The following AGMO variants were observed in gnomAD, a reference collection of about 807,000 sequenced individuals.
The protein encoded by AGMO is glyceryl-ether monooxygenase.
Under a neutral mutation model 60.2 loss-of-function variants are expected in AGMO, and 75 were observed. The observed-to-expected ratio is 1.25, with a 90% CI of 1.03 to 1.51. The LOEUF (loss-of-function observed/expected upper bound fraction) is 1.51, where lower values mean the gene tolerates loss of function less well. Among genes scored for constraint, AGMO ranks in the 40% most tolerant of loss-of-function variants. The pLI, the probability that AGMO is intolerant of heterozygous loss-of-function variation, is 0.00. For missense variants in AGMO, 763 were observed against 525.5 expected, an observed-to-expected ratio of 1.45 and a Z score of -4.42; for synonymous variants, 261 against 177.1, an observed-to-expected ratio of 1.47 and a Z score of -3.76.
intron 12 of AGMO, chr7:15,306,571 T>TAAAA (rs5882493): frequency 3.5e-5 from 13 of 373,564 alleles, no homozygotes; most frequent in African/African-American, 2.3e-4. Flanking sequence ...TATGACTGTG[T>TAAAA]AAAAAAAAAA....
chr7:15,181,601 G>A, the AGMO span, among the ~76,000 whole-genome samples: 2 of 152,044 alleles, frequency 1.3e-5, no homozygotes, highest in Non-Finnish European at 2.9e-5. Context: ...AAGGAGATAA[G>A]CTTGTAGGTT....
intron 12 of AGMO, among the ~76,000 whole-genome samples, chr7:15,353,401 C>G (rs1782333377): frequency 6.6e-6 from 1 of 152,046 alleles, no homozygotes; most frequent in Admixed American, 6.5e-5. Flanking sequence ...CATGTTATAA[C>G]TCACTCAAAA....
chr7:15,276,891 CT>C (rs34137663), intron 12 of AGMO, among the ~76,000 whole-genome samples: 85,999 of 139,282 alleles, frequency 0.62, 26,000 homozygotes, highest in Admixed American at 0.72. Flanking sequence ...GCCATTTTTC[CT>C]TTTTTTTTTT....
At chr7:15,292,881 C>T (rs569532266) in intron 12 of AGMO, among the ~76,000 whole-genome samples, 1 of 150,130 alleles carries the variant, frequency 6.7e-6, no homozygotes, top group Non-Finnish European at 1.5e-5. Flanking sequence ...CCTCAACCTA[C>T]CGAGTAGCTG....
intron 12 of AGMO, among the ~76,000 whole-genome samples, chr7:15,308,008 T>TGGAATTTAGAATTTAGAATTAGAAATTA (rs1408469700): frequency 6.6e-6 from 1 of 152,044 alleles, no homozygotes; most frequent in African/African-American, 2.4e-5. Flanking sequence ...TCTAAATACC[T>TGGAATTTAGAATTTAGAATTAGAAATTA]GGAATTTCCC....
At chr7:15,520,583 T>A (rs1326372307) in intron 3 of AGMO, among the ~76,000 whole-genome samples, 1 of 152,190 alleles carries the variant, frequency 6.6e-6, no homozygotes, top group Non-Finnish European at 1.5e-5. Context: ...CCGAACAAGC[T>A]GCTCCTGCAT....
In AGMO at chr7:15,353,443, A is replaced by G. The variant is rs964085703; in HGVS notation, c.1263+12071T>C. Reference sequence around the variant, plus strand: ...GGCTTATGATGTTAAACTAAATTCAACATGTTTGCTCTTAGTTGATCTACT... The same window carrying G: ...GGCTTATGATGTTAAACTAAATTCAGCATGTTTGCTCTTAGTTGATCTACT... On this transcript the variant is annotated intron_variant, in intron 12 of 12. Transcript: ENST00000342526. Among the ~76,000 whole-genome samples the G allele has an allele frequency of 2.0e-5, 3 of 152,156 alleles. 1 individual carries two copies. The highest frequency in any genetic ancestry group is 7.2e-5 in the African/African-American group (3 of 41,440).
At chr7:15,203,487 T>C (rs1215676881) in intron 12 of AGMO, among the ~76,000 whole-genome samples, 1 of 152,092 alleles carries the variant, frequency 6.6e-6, no homozygotes, top group Non-Finnish European at 1.5e-5. Context: ...TCTTATTTTT[T>C]TTTTCTTTTC....
intron 12 of AGMO, among the ~76,000 whole-genome samples, chr7:15,241,917 G>C (rs1782602727): frequency 6.6e-6 from 1 of 152,088 alleles, no homozygotes; most frequent in Non-Finnish European, 1.5e-5. Flanking sequence ...GGTTACGACT[G>C]AGTTTCCTGT....
chr7:15,178,726 G>C, the AGMO span, among the ~76,000 whole-genome samples: 1 of 152,152 alleles, frequency 6.6e-6, no homozygotes, highest in Non-Finnish European at 1.5e-5. Flanking sequence ...ATACCAGAAG[G>C]AAGGAGGCTT....
At chr7:15,228,790 T>G (rs1391283346) in intron 12 of AGMO, among the ~76,000 whole-genome samples, 3 of 152,152 alleles carry the variant, frequency 2.0e-5, no homozygotes, top group Non-Finnish European at 2.9e-5. Flanking sequence ...AGGTGCATTA[T>G]CTGTAGGCAT....
Position 15,415,326 on chromosome 7 carries a change from C to T in AGMO, c.609+3232G>A, listed in dbSNP as rs1381616824. On this transcript the variant is annotated intron_variant, in intron 5 of 12. Transcript: ENST00000342526. ...TTGGAAGGCCAACGCAGGCAGATCA[C>T]AAGGTCAAGAGACCGAGACCATTCT... Among the ~76,000 whole-genome samples the T allele has an allele frequency of 2.0e-5, 3 of 152,038 alleles. No individual in the cohort carries two copies. In the East Asian group the frequency reaches 5.9e-4, roughly 30 times the overall value.
chr7:15,487,937 A>C (rs1030458679), intron 3 of AGMO, among the ~76,000 whole-genome samples: 1 of 152,182 alleles, frequency 6.6e-6, no homozygotes, highest in Non-Finnish European at 1.5e-5. Flanking sequence ...AATCTAACAC[A>C]GTCAAAAATT....
At chr7:15,265,046 A>C (rs1783391734) in intron 12 of AGMO, among the ~76,000 whole-genome samples, 1 of 152,130 alleles carries the variant, frequency 6.6e-6, no homozygotes, top group Non-Finnish European at 1.5e-5. Context: ...GCCCATCAAT[A>C]GTGGACTGGA....
At chr7:15,346,123 T>G (rs1782022630) in intron 12 of AGMO, among the ~76,000 whole-genome samples, 1 of 152,170 alleles carries the variant, frequency 6.6e-6, no homozygotes, top group Non-Finnish European at 1.5e-5. Context: ...TCTGTTAAAT[T>G]CAGATAAGTT....
intron 12 of AGMO, among the ~76,000 whole-genome samples, chr7:15,275,174 A>G (rs1783743541): frequency 6.6e-6 from 1 of 152,078 alleles, no homozygotes; most frequent in South Asian, 2.1e-4. Flanking sequence ...TTTTTAAGGT[A>G]GGCATTTAAC....
At chr7:15,281,263 C>G (rs1252904104) in intron 12 of AGMO, among the ~76,000 whole-genome samples, 1 of 152,132 alleles carries the variant, frequency 6.6e-6, no homozygotes, top group African/African-American at 2.4e-5. Context: ...CATGAAAGGT[C>G]TTGGAGAAGG....
chr7:15,270,390 T>G (rs906077888), intron 12 of AGMO, among the ~76,000 whole-genome samples: 1 of 152,056 alleles, frequency 6.6e-6, no homozygotes, highest in Admixed American at 6.6e-5. Flanking sequence ...GTTGAGCATT[T>G]TCATATGTTT....
the AGMO span, among the ~76,000 whole-genome samples, chr7:15,172,012 C>G: frequency 7.9e-5 from 12 of 152,066 alleles, no homozygotes; most frequent in African/African-American, 2.4e-4. Flanking sequence ...AATTCATAAC[C>G]ACAACTCAAT....
Sources: gnomAD v4.1 joint callset for allele counts (sites outside exome capture counted in the v4.1 genomes callset) on GRCh38, gnomAD v4.1.1 for gene constraint, MANE v1.5 for transcripts, NCBI Gene and HGNC (gene_info 2026-07-23, HGNC 2026-07-21) for gene names.